Variants in NCLN observed in about 807,000 individuals in gnomAD.
NCLN encodes nicalin.
A neutral mutation model predicts 69.5 loss-of-function variants in NCLN; 34 were observed. The ratio of observed to expected loss-of-function variants is 0.49; its 90% CI spans 0.37 to 0.65. The LOEUF is 0.65. Among genes scored for constraint, NCLN ranks in the 30% least tolerant of loss-of-function variants. The pLI, the probability that NCLN is intolerant of heterozygous loss-of-function variation, is 0.00. For missense variants in NCLN, 710 were observed against 804.8 expected, an observed-to-expected ratio of 0.88 and a Z score of 1.42; for synonymous variants, 393 against 358.3, an observed-to-expected ratio of 1.10 and a Z score of -1.09.
chr19:3,207,423 C>T lies in NCLN; in HGVS notation c.1586C>T (p.Ala529Val). 6.2e-7 allele frequency: 1 copy of T among 1,613,114 alleles called. No homozygotes were observed. The change falls in exon 14 of 15, where the codon GCT becomes GTT. Residue 529 changes from alanine to valine, a missense_variant. Ala to Val is a moderately conservative substitution (Grantham distance 64). Transcript: ENST00000246117. ...VKPAVFDLLL[A>V]VGIAAYLGMA... ...CCGGCCGTCTTTGACCTGCTCCTGGCTGTTGGCATTGCTGCCTACCTCGGC... is the reference window on the plus strand; with the variant it reads ...CCGGCCGTCTTTGACCTGCTCCTGGTTGTTGGCATTGCTGCCTACCTCGGC...
At chr19:3,186,289 C>A in intron 1 of NCLN, 75 bp downstream of exon 1, 3 of 1,369,392 alleles carry the variant, frequency 2.2e-6, no homozygotes, top group Non-Finnish European at 2.8e-6. Context: ...GATCCCCAGG[C>A]CGATCCCTAG....
chr19:3,194,112 G>A (rs1915899786), intron 3 of NCLN, among the ~76,000 whole-genome samples: 1 of 152,228 alleles, frequency 6.6e-6, no homozygotes, highest in Non-Finnish European at 1.5e-5. Context: ...AAAACAGTTT[G>A]GTGCTGTGGT....
chr19:3,192,704 G>C, intron 2 of NCLN, 44 bp downstream of exon 2: 1 of 1,465,604 alleles, frequency 6.8e-7, no homozygotes, highest in Non-Finnish European at 9.0e-7. Flanking sequence ...CCAGAGCTGC[G>C]GCGGGAGTTG....
At position 3,201,546 on chromosome 19, in the gene NCLN, C is replaced by T; in HGVS notation, c.720C>T (p.Ser240=). The T allele has an allele frequency of 1.3e-6, 2 of 1,564,824 alleles. No homozygotes were observed. Among genetic ancestry groups the T allele is most frequent in the East Asian group, 2.3e-5 (1 of 43,112 alleles). The stretch of plus-strand genomic sequence containing the variant: ...AGTGGCTGTCGCTGGGCGCGGACTC[C>T]AACGGGAGCGGCGTCTCTGTGCTGC... The part of the protein sequence containing the change: ...VAPWLSLGAD[S]NGSGVSVLLE... The change falls in exon 6 of 15, where the codon TCC becomes TCT. Residue 240 remains serine, a synonymous_variant. Coordinates refer to ENST00000246117, the MANE Select transcript of NCLN (RefSeq NM_020170.4).
At chr19:3,199,646 G>C (rs533817997) in intron 5 of NCLN, among the ~76,000 whole-genome samples, 94 of 151,736 alleles carry the variant, frequency 6.2e-4, no homozygotes, top group Non-Finnish European at 8.0e-4. Flanking sequence ...GGAGTGGGGT[G>C]GGGGGGCATG....
At chr19:3,203,912 G>A in intron 7 of NCLN, 68 bp downstream of exon 7, 1 of 1,578,280 alleles carries the variant, frequency 6.3e-7, no homozygotes, top group Middle Eastern at 1.8e-4. Context: ...GGAGGCCCAG[G>A]GGTTGCCATG....
intron 5 of NCLN, among the ~76,000 whole-genome samples, chr19:3,199,267 G>C (rs1174542930): frequency 6.6e-6 from 1 of 152,252 alleles, no homozygotes; most frequent in East Asian, 1.9e-4. Flanking sequence ...AGTCCGCGAA[G>C]GGAAAGGCGC....
At chr19:3,194,742 T>G (rs575092248) in intron 3 of NCLN, among the ~76,000 whole-genome samples, 148 of 117,358 alleles carry the variant, frequency 1.3e-3, no homozygotes, top group Admixed American at 5.6e-3. Flanking sequence ...AGGAGTCGTC[T>G]TCTTTTTTTT....
At position 3,203,788 on chromosome 19, in the gene NCLN, G is replaced by A. The variant is rs1365345839; in HGVS notation, c.833G>A (p.Gly278Asp). Residue 278 changes from glycine to aspartate, a missense_variant, in exon 7 of 15, where the codon GGC becomes GAC. Physicochemically the swap from Gly to Asp is moderately conservative, Grantham distance 94 (BLOSUM62 -1). Transcript: ENST00000246117. The stretch of plus-strand genomic sequence containing the variant: ...CTCCTGTTCTTTGCGTCTGGAGGAG[G>A]CAAGTTTAACTACCAGGGAACCAAG... ...YNLLFFASGG[G>D]KFNYQGTKRW... The A allele has an allele frequency of 1.2e-6, 2 of 1,613,376 alleles. No individual in the cohort carries two copies. The highest frequency in any genetic ancestry group is 1.7e-6 in the Non-Finnish European group (2 of 1,179,884).
At chr19:3,202,064 C>T (rs1319451874) in intron 6 of NCLN, among the ~76,000 whole-genome samples, 2 of 152,162 alleles carry the variant, frequency 1.3e-5, no homozygotes, top group Non-Finnish European at 1.5e-5. Flanking sequence ...CCTCCGACAT[C>T]ACCCACTGTC....
At chr19:3,192,927 G>A (rs1357867221) in intron 2 of NCLN, among the ~76,000 whole-genome samples, 2 of 152,250 alleles carry the variant, frequency 1.3e-5, no homozygotes, top group East Asian at 1.9e-4. Flanking sequence ...TGCCCAGGAC[G>A]GCCCCGCCCC....
Position 3,206,300 on chromosome 19 carries a change from G to T in NCLN, c.1374G>T (p.Trp458Cys). 6.5e-7 allele frequency: 1 copy of T among 1,548,144 alleles called. No homozygotes were observed. Among genetic ancestry groups the T allele is most frequent in the Non-Finnish European group, 8.7e-7 (1 of 1,146,898 alleles). The change falls in exon 12 of 15, where the codon TGG becomes TGT. Residue 458 changes from tryptophan (W) to cysteine (C), a missense_variant. By Grantham distance (215) the Trp-to-Cys change is radical. Coordinates refer to ENST00000246117, the MANE Select transcript of NCLN (RefSeq NM_020170.4). ...QQEQLDSVMDWLTNQPRAAQL... is the reference protein window; with the variant it reads ...QQEQLDSVMDCLTNQPRAAQL... ...AGCAGCTGGACTCGGTGATGGACTG[G>T]CTCACCAACCAGCCGCGGGCCGCGC... is the stretch of plus-strand genomic sequence containing the variant.
At chr19:3,203,877 C>CGGTGGTGGTGCCGT in intron 7 of NCLN, 33 bp downstream of exon 7, 3 of 1,604,226 alleles carry the variant, frequency 1.9e-6, no homozygotes, top group Non-Finnish European at 2.6e-6. Context: ...GGGGGTGCCG[C>CGGTGGTGGTGCCGT]GGTGGTGGTG....
chr19:3,200,937 G>A (rs1052113181), intron 5 of NCLN, among the ~76,000 whole-genome samples: 7 of 152,184 alleles, frequency 4.6e-5, no homozygotes, highest in East Asian at 1.9e-4. Context: ...CAGTGCCACC[G>A]AGGTCCCCTT....
At chr19:3,190,009 C>T (rs970257905) in intron 1 of NCLN, among the ~76,000 whole-genome samples, 4 of 152,358 alleles carry the variant, frequency 2.6e-5, no homozygotes, top group East Asian at 3.9e-4. Context: ...TCGCTCACTC[C>T]CTATCCCGCC....
Position 3,205,347 on chromosome 19 carries a change from C to T in NCLN, c.1209-592C>T, listed in dbSNP as rs552793492. 9.5e-4 allele frequency among the ~76,000 whole-genome samples: 144 copies of T among 152,352 alleles called. 1 individual carries two copies. The highest frequency in any genetic ancestry group is 3.3e-3 in the African/African-American group (139 of 41,582). ...CCGCAGTCCCGGCATAGATCCTTCC[C>T]GTTCATCCACTCTGCTCTGCGGTCA... is the stretch of plus-strand genomic sequence containing the variant. On this transcript the variant is annotated intron_variant, in intron 9 of 14. Coordinates refer to ENST00000246117, the MANE Select transcript of NCLN (RefSeq NM_020170.4). The surrounding 1 kb of genome is among the most constrained non-coding windows in gnomAD (Gnocchi z 4.6).
intron 1 of NCLN, among the ~76,000 whole-genome samples, chr19:3,190,760 ACC>A (rs1442513240): frequency 6.7e-6 from 1 of 148,254 alleles, no homozygotes. Flanking sequence ...TCAGGCCTGT[ACC>A]CGGCCCCCCT....
chr19:3,187,863 G>T (rs1313235564), intron 1 of NCLN, among the ~76,000 whole-genome samples: 1 of 152,116 alleles, frequency 6.6e-6, no homozygotes, highest in African/African-American at 2.4e-5. Flanking sequence ...CGCGTTTTCC[G>T]TGCTGCTTGG....
chr19:3,199,169 C>G (rs940181162), intron 5 of NCLN, among the ~76,000 whole-genome samples: 8 of 152,220 alleles, frequency 5.3e-5, no homozygotes, highest in Admixed American at 2.0e-4. Flanking sequence ...TCAGGGTTCC[C>G]CGGGCCAGCG....
Sources: gnomAD v4.1 joint callset for allele counts (sites outside exome capture counted in the v4.1 genomes callset) on GRCh38, gnomAD v4.1.1 for gene constraint, Gnocchi (gnomAD v3.1) non-coding constraint, MANE v1.5 for transcripts, NCBI Gene and HGNC (gene_info 2026-07-23, HGNC 2026-07-21) for gene names.